ARHGAP10: variants seen among roughly 807,000 people sequenced by gnomAD.
ARHGAP10 encodes Rho GTPase activating protein 10.
ARHGAP10 carries 87 observed loss-of-function variants against 108.6 expected under a neutral mutation model. The observed-to-expected ratio is 0.80, with a 90% confidence interval of 0.67 to 0.96. The LOEUF is 0.96. Among genes scored for constraint, ARHGAP10 ranks in the 40% least tolerant of loss-of-function variants. The pLI, the probability that ARHGAP10 is intolerant of heterozygous loss-of-function variation, is 0.00. For synonymous variants in ARHGAP10, 347 were observed against 341.1 expected (o/e 1.02, Z -0.19); for missense variants, 939 against 954.5 (o/e 0.98, Z 0.21).
In ARHGAP10 at chr4:147,752,175, G is replaced by T. The variant is rs147861889; in HGVS notation, c.154+19720G>T. On this transcript the variant is annotated intron_variant, in intron 1 of 22. Transcript: ENST00000336498. The stretch of plus-strand genomic sequence containing the variant: ...TGGAATTACAGGCATGAGCCACAAC[G>T]CCTGGCCAAGCCTTTAGTATTATAG... Among the ~76,000 whole-genome samples the T allele has an allele frequency of 2.5e-3, 378 of 152,204 alleles. 1 individual carries two copies. Among genetic ancestry groups the T allele is most frequent in the African/African-American group, 8.6e-3 (359 of 41,506 alleles).
chr4:147,789,477 A>G (rs1263646449), intron 1 of ARHGAP10, among the ~76,000 whole-genome samples: 1 of 152,114 alleles, frequency 6.6e-6, no homozygotes, highest in Non-Finnish European at 1.5e-5. Context: ...TTTTTAGTAG[A>G]GATAGGGTTT....
intron 22 of ARHGAP10, 58 bp from the exon 23 acceptor site, chr4:148,071,935 C>A (rs1196325070): frequency 1.4e-6 from 2 of 1,481,054 alleles, no homozygotes; most frequent in Admixed American, 1.7e-5. Context: ...TAAGTGAACA[C>A]CCAGGAGGCA....
At chr4:147,906,570 T>G (rs1736503713) in intron 10 of ARHGAP10, 68 bp from the exon 11 acceptor site, 2 of 1,526,800 alleles carry the variant, frequency 1.3e-6, no homozygotes, top group Non-Finnish European at 1.8e-6. Context: ...TTACAACAGT[T>G]AAATCTTAGG....
chr4:147,929,400 C>G (rs1737583388), intron 13 of ARHGAP10, among the ~76,000 whole-genome samples: 1 of 152,238 alleles, frequency 6.6e-6, no homozygotes, highest in East Asian at 1.9e-4. Context: ...AATATAAATA[C>G]ACATTTTTGA....
intron 18 of ARHGAP10, among the ~76,000 whole-genome samples, chr4:148,010,287 G>A (rs1239447851): frequency 1.3e-5 from 2 of 152,270 alleles, no homozygotes; most frequent in East Asian, 1.9e-4. Flanking sequence ...GAGAAGTTAA[G>A]TTACTCTTTC....
At chr4:147,790,391 C>T (rs1017034054) in intron 1 of ARHGAP10, among the ~76,000 whole-genome samples, 1 of 152,136 alleles carries the variant, frequency 6.6e-6, no homozygotes, top group African/African-American at 2.4e-5. Flanking sequence ...GTTCGTAACA[C>T]CTAGTAATAC....
chr4:147,951,042 A>G (rs1738579814), intron 15 of ARHGAP10, among the ~76,000 whole-genome samples: 1 of 152,148 alleles, frequency 6.6e-6, no homozygotes, highest in Non-Finnish European at 1.5e-5. Flanking sequence ...GCAGTGACTC[A>G]GCATAATACA....
intron 15 of ARHGAP10, among the ~76,000 whole-genome samples, chr4:147,953,893 G>A (rs1209064000): frequency 6.6e-6 from 1 of 151,718 alleles, no homozygotes; most frequent in East Asian, 1.9e-4. Flanking sequence ...TAGGTGTTTA[G>A]TAGCATAAAA....
rs913629285 is a variant in ARHGAP10, at chr4:147,732,172, C to T, written c.-130C>T. 3 of 905,912 alleles carry T rather than the reference C, an allele frequency of 3.3e-6. No individual in the cohort carries two copies. Among genetic ancestry groups the T allele is most frequent in the Non-Finnish European group, 4.5e-6 (3 of 668,966 alleles). 56.1% of individuals were successfully genotyped at this position (905,912 alleles called of 1,614,324 possible). A position where few individuals can be genotyped will look rare whatever the true frequency, so the allele number is the denominator to read the frequency against. On this transcript the variant is annotated 5_prime_UTR_variant, in exon 1 of 23. Transcript: ENST00000336498. ...CTACGGGACATGTCCGTGCCGCGCTCGCCGCGCGCCCGGGCCTGCTAGCTC... is the reference window on the plus strand; with the variant it reads ...CTACGGGACATGTCCGTGCCGCGCTTGCCGCGCGCCCGGGCCTGCTAGCTC...
chr4:148,013,677 G>A (rs113939862), intron 18 of ARHGAP10, among the ~76,000 whole-genome samples: 4,560 of 152,098 alleles, frequency 0.03, 223 homozygotes, highest in African/African-American at 0.1. Flanking sequence ...GACAGAGCGA[G>A]ACTCCATCTC....
chr4:147,860,164 C>T (rs1010760703), intron 5 of ARHGAP10, among the ~76,000 whole-genome samples: 1 of 152,152 alleles, frequency 6.6e-6, no homozygotes, highest in Non-Finnish European at 1.5e-5. Context: ...AGGAGAAGGC[C>T]GGGCGTGGTG....
intron 18 of ARHGAP10, among the ~76,000 whole-genome samples, chr4:148,018,404 A>G (rs1424911398): frequency 6.6e-6 from 1 of 152,172 alleles, no homozygotes; most frequent in East Asian, 1.9e-4. Flanking sequence ...GCAATGTAGA[A>G]CAAGATAAGC....
At chr4:147,758,246 A>G (rs1216760246) in intron 1 of ARHGAP10, among the ~76,000 whole-genome samples, 2 of 151,660 alleles carry the variant, frequency 1.3e-5, no homozygotes, top group African/African-American at 2.4e-5. Context: ...CTGGGCAACA[A>G]GAGCGAAACT....
chr4:148,056,024 T>G (rs1369481421), intron 20 of ARHGAP10, among the ~76,000 whole-genome samples: 1 of 152,154 alleles, frequency 6.6e-6, no homozygotes, highest in Non-Finnish European at 1.5e-5. Flanking sequence ...CTTTATAAAG[T>G]TTTATTGGAA....
At chr4:147,773,255 A>G (rs1361355784) in intron 1 of ARHGAP10, among the ~76,000 whole-genome samples, 1 of 152,190 alleles carries the variant, frequency 6.6e-6, no homozygotes, top group African/African-American at 2.4e-5. Context: ...GTATGTATAT[A>G]TTATCATGTC....
At chr4:147,857,107 C>T (rs1044009411) in intron 4 of ARHGAP10, among the ~76,000 whole-genome samples, 5 of 152,200 alleles carry the variant, frequency 3.3e-5, no homozygotes, top group Non-Finnish European at 7.3e-5. Context: ...CCGTCTTGGC[C>T]TCCCAAAGTG....
At chr4:147,915,633 T>C (rs1208964578) in intron 13 of ARHGAP10, among the ~76,000 whole-genome samples, 1 of 152,194 alleles carries the variant, frequency 6.6e-6, no homozygotes, top group African/African-American at 2.4e-5. Flanking sequence ...AGATGTTGAA[T>C]AGGTCTACAC....
chr4:147,911,509 C>T lies in ARHGAP10; in HGVS notation c.1163-1565C>T, dbSNP rs568862295. 2.6e-5 allele frequency among the ~76,000 whole-genome samples: 4 copies of T among 152,256 alleles called. No individual in the cohort carries two copies. The South Asian group carries it at 8.3e-4, about 32-fold the overall frequency. On this transcript the variant is annotated intron_variant, in intron 12 of 22. Transcript: ENST00000336498. Reference sequence around the variant, plus strand: ...TCCCGAGTAACTGGGACTACAGGTGCCCACCATCACGCCCGGCTAATTTAT... The same window carrying T: ...TCCCGAGTAACTGGGACTACAGGTGTCCACCATCACGCCCGGCTAATTTAT...
chr4:147,780,277 T>C (rs1730477938), intron 1 of ARHGAP10, among the ~76,000 whole-genome samples: 1 of 152,104 alleles, frequency 6.6e-6, no homozygotes, highest in Non-Finnish European at 1.5e-5. Context: ...GGGCCGAGGC[T>C]CAGCATGCCA....
Sources: gnomAD v4.1 joint callset for allele counts (sites outside exome capture counted in the v4.1 genomes callset) on GRCh38, gnomAD v4.1.1 for gene constraint, MANE v1.5 for transcripts, NCBI Gene and HGNC (gene_info 2026-07-23, HGNC 2026-07-21) for gene names.